ADAMTS3: variants seen among roughly 807,000 people sequenced by gnomAD.
ADAMTS3 encodes A disintegrin and metalloproteinase with thrombospondin motifs 3.
A neutral mutation model predicts 129.0 loss-of-function variants in ADAMTS3; 73 were observed. The observed-to-expected ratio is 0.57, with a 90% CI of 0.47 to 0.69. The LOEUF is 0.69. ADAMTS3 is among the 30% of genes least tolerant of loss of function. The probability of loss-of-function intolerance (pLI) is 0.00; values close to 1 mark genes in which losing one functional copy is unlikely to be tolerated. For missense variants in ADAMTS3, 1,457 were observed against 1,514.5 expected (o/e 0.96, Z 0.63); for synonymous variants, 477 against 510.8 (o/e 0.93, Z 0.89).
chr4:72,412,705 T>C (rs1045176997), intron 4 of ADAMTS3, among the ~76,000 whole-genome samples: 2 of 152,136 alleles, frequency 1.3e-5, no homozygotes, highest in Middle Eastern at 3.4e-3. Flanking sequence ...AACTGAATGA[T>C]TCAATTTTGA....
chr4:72,507,414 C>A (rs952519241), intron 3 of ADAMTS3, among the ~76,000 whole-genome samples: 5 of 152,118 alleles, frequency 3.3e-5, no homozygotes, highest in Non-Finnish European at 7.4e-5. Flanking sequence ...AAGGGCCATA[C>A]GAAATAGCTG....
intron 4 of ADAMTS3, among the ~76,000 whole-genome samples, chr4:72,385,988 T>A (rs1048578974): frequency 6.6e-6 from 1 of 151,792 alleles, no homozygotes; most frequent in Admixed American, 6.6e-5. Context: ...TTTCCATGTA[T>A]TTTTTTTAGG....
chr4:72,530,016 TTATATTTATATATA>T (rs1720944492), intron 3 of ADAMTS3, among the ~76,000 whole-genome samples: 1 of 1,514 alleles, frequency 6.6e-4, no homozygotes, highest in African/African-American at 9.9e-4. Flanking sequence ...ATATAATATA[TTATATTTATATATA>T]AATATAATAT....
In ADAMTS3 at chr4:72,460,331, G is replaced by C. The variant is rs1360251034; in HGVS notation, c.505-45360C>G. Among the ~76,000 whole-genome samples the C allele has an allele frequency of 2.0e-5, 3 of 151,550 alleles. No individual in the cohort carries two copies. The East Asian group carries it at 5.9e-4, about 30-fold the overall frequency. On this transcript the variant is annotated intron_variant, in intron 3 of 21. Transcript: ENST00000286657. ...TACCACATAGTATATGAACGTGTGTGTATTTTAACCATTTGAAAGCAACTT... is the reference window on the plus strand; with the variant it reads ...TACCACATAGTATATGAACGTGTGTCTATTTTAACCATTTGAAAGCAACTT...
chr4:72,354,742 C>T (rs1162468468), intron 4 of ADAMTS3, among the ~76,000 whole-genome samples: 3 of 152,002 alleles, frequency 2.0e-5, no homozygotes, highest in African/African-American at 7.2e-5. Flanking sequence ...TATAACATTT[C>T]CAGGCAATCA....
intron 2 of ADAMTS3, among the ~76,000 whole-genome samples, chr4:72,560,245 C>T (rs1036998700): frequency 6.7e-6 from 1 of 150,366 alleles, no homozygotes; most frequent in African/African-American, 2.4e-5. Flanking sequence ...CTATAAAAAC[C>T]CTAAAAGAAA....
intron 3 of ADAMTS3, among the ~76,000 whole-genome samples, chr4:72,492,245 C>T (rs1719767291): frequency 6.6e-6 from 1 of 150,668 alleles, no homozygotes; most frequent in African/African-American, 2.4e-5. Context: ...TTTTTTTATT[C>T]TCTATTTGAT....
chr4:72,473,785 C>T (rs1719148197), intron 3 of ADAMTS3, among the ~76,000 whole-genome samples: 1 of 152,090 alleles, frequency 6.6e-6, no homozygotes, highest in African/African-American at 2.4e-5. Context: ...CTCCCAACTC[C>T]TACCCATCAG....
intron 3 of ADAMTS3, among the ~76,000 whole-genome samples, chr4:72,439,683 A>T (rs1435012162): frequency 2.0e-5 from 3 of 151,770 alleles, no homozygotes; most frequent in Non-Finnish European, 4.4e-5. Context: ...AACATTATTG[A>T]ATTGGCAACA....
At chr4:72,344,830 C>T (rs1404516439) in intron 4 of ADAMTS3, among the ~76,000 whole-genome samples, 1 of 152,046 alleles carries the variant, frequency 6.6e-6, no homozygotes. Flanking sequence ...GTGTGACTCC[C>T]CAGTGACTGT....
chr4:72,336,217 A>C (rs7679426), intron 5 of ADAMTS3, among the ~76,000 whole-genome samples: 150,250 of 152,264 alleles, frequency 0.99, 74,156 homozygotes, highest in Non-Finnish European at 1. Context: ...CACCTTTCAC[A>C]CTAATCAATG....
chr4:72,527,754 G>C (rs1237292607), intron 3 of ADAMTS3, among the ~76,000 whole-genome samples: 1 of 152,100 alleles, frequency 6.6e-6, no homozygotes, highest in Admixed American at 6.6e-5. Flanking sequence ...CCATTACGAA[G>C]AAACTTTAAA....
intron 4 of ADAMTS3, among the ~76,000 whole-genome samples, chr4:72,367,250 C>G (rs1457634498): frequency 6.6e-6 from 1 of 151,968 alleles, no homozygotes; most frequent in South Asian, 2.1e-4. Flanking sequence ...TCCAGAGTGG[C>G]AATAAACTAA....
Position 72,548,620 on chromosome 4 carries a change from G to A in ADAMTS3, c.362C>T (p.Thr121Ile), listed in dbSNP as rs760924638. The part of the protein sequence containing the change: ...HETSLVPGNI[T>I]DPINNHQPGS... ...TGGTTGATGGTTGTTAATGGGATCG[G>A]TTATATTCCCAGGCACCAGAGATGT... The change falls in exon 3 of 22, where the codon ACC becomes ATC. Residue 121 changes from threonine (T) to isoleucine (I), a missense_variant. Coordinates refer to ENST00000286657, the MANE Select transcript of ADAMTS3 (RefSeq NM_014243.3). 1.2e-6 allele frequency: 2 copies of A among 1,613,976 alleles called. No homozygotes were observed. The highest frequency in any genetic ancestry group is 1.7e-6 in the Non-Finnish European group (2 of 1,179,920).
chr4:72,520,232 G>A lies in ADAMTS3; in HGVS notation c.504+28246C>T, dbSNP rs546582845. Reference sequence around the variant, plus strand: ...TCAGAGGAGTACCCGGCCGTGTGAGGTGTCAGTCTGCCCCTACTGGGGGGT... The same window carrying A: ...TCAGAGGAGTACCCGGCCGTGTGAGATGTCAGTCTGCCCCTACTGGGGGGT... On this transcript the variant is annotated intron_variant, in intron 3 of 21. Transcript: ENST00000286657. 4.0e-3 allele frequency among the ~76,000 whole-genome samples: 606 copies of A among 152,310 alleles called. 5 individuals carry two copies. The highest frequency in any genetic ancestry group is 0.014 in the African/African-American group (577 of 41,560).
At chr4:72,560,002 G>T (rs1156379076) in intron 2 of ADAMTS3, among the ~76,000 whole-genome samples, 2 of 151,452 alleles carry the variant, frequency 1.3e-5, no homozygotes, top group African/African-American at 2.4e-5. Flanking sequence ...ATACACACAG[G>T]CCAGTGGAAC....
rs537205820 is a variant in ADAMTS3, at chr4:72,320,135, T to A, written c.1103-172A>T. 3.3e-5 allele frequency among the ~76,000 whole-genome samples: 5 copies of A among 152,264 alleles called. No homozygotes were observed. In the East Asian group the frequency reaches 9.7e-4, roughly 29 times the overall value. ...CTCTTGGGAAAGCCACAGGTAATGT[T>A]CTCTAAAAAGGTTCACTGGGTCTGC... On this transcript the variant is annotated intron_variant, in intron 7 of 21. Transcript: ENST00000286657.
chr4:72,439,123 T>C (rs1427927557), intron 3 of ADAMTS3, among the ~76,000 whole-genome samples: 1 of 151,768 alleles, frequency 6.6e-6, no homozygotes. Context: ...ATTTAATTTT[T>C]GGTAGTTTGG....
intron 2 of ADAMTS3, among the ~76,000 whole-genome samples, chr4:72,551,327 G>A (rs2623541): frequency 0.99 from 151,219 of 152,248 alleles, 75,108 homozygotes; most frequent in Middle Eastern, 1. Context: ...AGCCTCATAC[G>A]TACAGTAAGC....
Sources: gnomAD v4.1 joint callset for allele counts (sites outside exome capture counted in the v4.1 genomes callset) on GRCh38, gnomAD v4.1.1 for gene constraint, MANE v1.5 for transcripts, NCBI Gene and HGNC (gene_info 2026-07-23, HGNC 2026-07-21) for gene names.